WDFY2: variants seen among roughly 807,000 people sequenced by gnomAD.
WDFY2 encodes the protein WD repeat and FYVE domain-containing protein 2.
Under a neutral mutation model 56.4 loss-of-function variants are expected in WDFY2, and 36 were observed. That is an observed-to-expected ratio of 0.64 (90% CI 0.49 to 0.84). The LOEUF (loss-of-function observed/expected upper bound fraction) is 0.84, where lower values mean the gene tolerates loss of function less well. Ranked by LOEUF, WDFY2 falls within the 40% of genes least tolerant of loss-of-function variation. WDFY2 has a pLI of 0.00. For synonymous variants in WDFY2, 176 were observed against 183.7 expected, an observed-to-expected ratio of 0.96 and a Z score of 0.34; for missense variants, 444 against 512.2, an observed-to-expected ratio of 0.87 and a Z score of 1.29.
At chr13:51,738,953 GAA>G (rs1358290574) in intron 6 of WDFY2, 94 bp from the exon 7 acceptor site, 4 of 1,302,732 alleles carry the variant, frequency 3.1e-6, no homozygotes, top group Non-Finnish European at 4.0e-6. Flanking sequence ...TGTATGCCAG[GAA>G]CTGCACTAGG....
chr13:51,678,902 C>G (rs564115212), intron 3 of WDFY2, among the ~76,000 whole-genome samples: 2 of 152,002 alleles, frequency 1.3e-5, no homozygotes, highest in Admixed American at 6.6e-5. Flanking sequence ...AGGGCAGCTC[C>G]CTGAATACGA....
intron 2 of WDFY2, among the ~76,000 whole-genome samples, chr13:51,669,461 C>G (rs1955769954): frequency 6.6e-6 from 1 of 152,128 alleles, no homozygotes. Flanking sequence ...GGTCACATTA[C>G]TCATAGACCT....
At chr13:51,648,275 T>C (rs1412057426) in intron 1 of WDFY2, among the ~76,000 whole-genome samples, 1 of 152,172 alleles carries the variant, frequency 6.6e-6, no homozygotes, top group Non-Finnish European at 1.5e-5. Context: ...GTGTATAGAC[T>C]TCTCAGTATC....
At chr13:51,665,144 G>A (rs554464399) in intron 2 of WDFY2, among the ~76,000 whole-genome samples, 1 of 152,322 alleles carries the variant, frequency 6.6e-6, no homozygotes, top group African/African-American at 2.4e-5. Context: ...ACTCTCTATA[G>A]AGAATTTGGG....
chr13:51,715,368 T>A (rs1593443341), intron 4 of WDFY2, among the ~76,000 whole-genome samples: 1 of 152,218 alleles, frequency 6.6e-6, no homozygotes, highest in African/African-American at 2.4e-5. Context: ...ATTTTTAATA[T>A]TTTTGTTTTA....
At chr13:51,653,449 C>T (rs1955444648) in intron 1 of WDFY2, among the ~76,000 whole-genome samples, 1 of 152,198 alleles carries the variant, frequency 6.6e-6, no homozygotes, top group African/African-American at 2.4e-5. Context: ...TGGTGAGGAG[C>T]TGCGTTCCTT....
At chr13:51,700,144 A>T (rs1205738583) in intron 3 of WDFY2, among the ~76,000 whole-genome samples, 1 of 152,256 alleles carries the variant, frequency 6.6e-6, no homozygotes, top group Non-Finnish European at 1.5e-5. Context: ...GGGTTTAAAA[A>T]AAAGACATGG....
rs138066705 is a variant in WDFY2 at position 51,727,529 on chromosome 13, A to G, written c.486-149A>G. On this transcript the variant is annotated intron_variant, in intron 5 of 11. Coordinates refer to ENST00000298125, the MANE Select transcript of WDFY2 (RefSeq NM_052950.4). The stretch of plus-strand genomic sequence containing the variant: ...CAATAATACAGTATGTCCTTCATTT[A>G]GTTAAGTTCACTTTTGTGTCTTTCA... 1,756 of 645,172 alleles carry G rather than the reference A, an allele frequency of 2.7e-3. 17 individuals carry two copies. Among genetic ancestry groups the G allele is most frequent in the African/African-American group, 0.019 (1,045 of 54,964 alleles). 40.0% of individuals were successfully genotyped at this position (645,172 alleles called of 1,614,324 possible).
intron 4 of WDFY2, among the ~76,000 whole-genome samples, chr13:51,718,598 AC>A (rs1952417970): frequency 6.6e-6 from 1 of 151,042 alleles, no homozygotes; most frequent in Non-Finnish European, 1.5e-5. Flanking sequence ...ACACACACAC[AC>A]ACACTGTAAC....
intron 7 of WDFY2, among the ~76,000 whole-genome samples, chr13:51,742,726 C>A (rs1317064514): frequency 7.9e-5 from 12 of 152,302 alleles, no homozygotes; most frequent in Non-Finnish European, 1.6e-4. Flanking sequence ...CAGTAAAGAT[C>A]TTTGCTATTC....
chr13:51,646,706 A>G (rs1307662198), intron 1 of WDFY2, among the ~76,000 whole-genome samples: 1 of 152,218 alleles, frequency 6.6e-6, no homozygotes, highest in Non-Finnish European at 1.5e-5. Context: ...TAACTTCTAG[A>G]GTTTAGTAGT....
intron 5 of WDFY2, among the ~76,000 whole-genome samples, chr13:51,726,340 A>C (rs1415543403): frequency 7.9e-5 from 12 of 152,200 alleles, no homozygotes; most frequent in African/African-American, 2.9e-4. Flanking sequence ...TAATTCAGTA[A>C]GTCCCTTATT....
intron 3 of WDFY2, among the ~76,000 whole-genome samples, chr13:51,699,906 C>G (rs1480222314): frequency 1.3e-5 from 2 of 152,114 alleles, no homozygotes. Context: ...TTATAGCAGA[C>G]AAATGGAATG....
chr13:51,639,450 T>G (rs1290278969), intron 1 of WDFY2, among the ~76,000 whole-genome samples: 2 of 152,198 alleles, frequency 1.3e-5, no homozygotes, highest in Non-Finnish European at 2.9e-5. Flanking sequence ...AGCAAAATTG[T>G]AGAGGGCAGT....
chr13:51,611,896 A>T (rs1192324854), intron 1 of WDFY2, among the ~76,000 whole-genome samples: 1 of 152,160 alleles, frequency 6.6e-6, no homozygotes, highest in East Asian at 1.9e-4. Context: ...ACTGAATGTG[A>T]CTACTTGGAG....
intron 2 of WDFY2, among the ~76,000 whole-genome samples, chr13:51,671,113 G>T (rs1955799741): frequency 6.6e-6 from 1 of 152,142 alleles, no homozygotes; most frequent in Non-Finnish European, 1.5e-5. Context: ...TCCATTTGTT[G>T]ATTGGTGGGC....
intron 3 of WDFY2, among the ~76,000 whole-genome samples, chr13:51,679,577 T>C (rs1017361022): frequency 1.2e-4 from 18 of 152,190 alleles, no homozygotes; most frequent in African/African-American, 4.3e-4. Flanking sequence ...TATGGATTTA[T>C]TGTTGTTTTG....
At chr13:51,759,509 T>C (rs1815622230) in intron 11 of WDFY2, among the ~76,000 whole-genome samples, 1 of 152,248 alleles carries the variant, frequency 6.6e-6, no homozygotes. Context: ...AGATTGAATC[T>C]GCCATGATTC....
chr13:51,755,310 G>T, intron 8 of WDFY2, 48 bp from the exon 9 acceptor site: 1 of 1,583,482 alleles, frequency 6.3e-7, no homozygotes. Context: ...GGTTTCCATT[G>T]TCCTGACTGC....
Sources: gnomAD v4.1 joint callset for allele counts (sites outside exome capture counted in the v4.1 genomes callset) on GRCh38, gnomAD v4.1.1 for gene constraint, MANE v1.5 for transcripts, NCBI Gene and HGNC (gene_info 2026-07-23, HGNC 2026-07-21) for gene names.